The following OBSL1 variants were observed in gnomAD, a reference collection of about 807,000 sequenced individuals.
OBSL1 encodes the protein obscurin like cytoskeletal adaptor 1.
A neutral mutation model predicts 172.0 loss-of-function variants in OBSL1; 160 were observed. The observed-to-expected ratio is 0.93, with a 90% CI of 0.82 to 1.06. The LOEUF (loss-of-function observed/expected upper bound fraction) is 1.06. OBSL1 is among the 50% of genes least tolerant of loss of function. The pLI, the probability that OBSL1 is intolerant of heterozygous loss-of-function variation, is 0.00. For synonymous variants in OBSL1, 1,200 were observed against 1,196.3 expected (o/e 1.00, Z -0.06); for missense variants, 2,681 against 2,715.4 (o/e 0.99, Z 0.28).
chr2:219,563,022 A>G, intron 7 of OBSL1: 1 of 468,036 alleles, frequency 2.1e-6, no homozygotes, highest in Non-Finnish European at 3.8e-6. Context: ...TCCTCCTCCA[A>G]GATGTTTTTG....
At position 219,558,052 on chromosome 2, in the gene OBSL1, A is replaced by C. The variant is rs2278201; in HGVS notation, c.3561T>G (p.Pro1187=). 3.0e-5 allele frequency: 49 copies of C among 1,613,124 alleles called. No homozygotes were observed. The highest frequency in any genetic ancestry group is 5.0e-5 in the Admixed American group (3 of 59,916). The change falls in exon 11 of 21, where the codon CCT becomes CCG. Residue 1187 remains proline (P), a synonymous_variant. Coordinates refer to ENST00000404537, the MANE Select transcript of OBSL1 (RefSeq NM_015311.3). ...ETTPSPLCVA[P]GEPVVLSCEL... ...CACAGCTCAGCACCACTGGCTCCCCAGGGGCCACACAGAGCGGGCTTGGAG... is the reference window on the plus strand; with the variant it reads ...CACAGCTCAGCACCACTGGCTCCCCCGGGGCCACACAGAGCGGGCTTGGAG...
rs1168726553 is a variant in OBSL1 at position 219,557,452 on chromosome 2, C to T, written c.3957G>A (p.Gln1319=). ...CCCGCAGCACCTGCCTGGCCCCGGC[C>T]TGCTCCAGCTGCACCCGCCCCTGGC... ...LASQGRVQLE[Q]AGARQVLRVQ... Residue 1319 remains glutamine, a synonymous_variant, in exon 12 of 21, where the codon CAG becomes CAA. Coordinates refer to ENST00000404537, the MANE Select transcript of OBSL1 (RefSeq NM_015311.3). 6.5e-7 allele frequency: 1 copy of T among 1,548,588 alleles called. No homozygotes were observed. The highest frequency in any genetic ancestry group is 1.2e-5 in the South Asian group (1 of 84,052).
In OBSL1 at chr2:219,557,458, C is replaced by T. The variant is rs775463681; in HGVS notation, c.3951G>A (p.Leu1317=). 2 of 1,548,678 alleles carry T rather than the reference C, an allele frequency of 1.3e-6. No individual in the cohort carries two copies. The highest frequency in any genetic ancestry group is 2.4e-5 in the South Asian group (2 of 84,072). Residue 1317 remains leucine, a synonymous_variant, in exon 12 of 21, where the codon CTG becomes CTA. Coordinates refer to ENST00000404537, the MANE Select transcript of OBSL1 (RefSeq NM_015311.3). The part of the protein sequence containing the change: ...ERLASQGRVQ[L]EQAGARQVLR... ...GCACCTGCCTGGCCCCGGCCTGCTC[C>T]AGCTGCACCCGCCCCTGGCTTGCCA... is the stretch of plus-strand genomic sequence containing the variant.
At position 219,553,648 on chromosome 2, in the gene OBSL1, C is replaced by G. The variant is rs756666231; in HGVS notation, c.4915G>C (p.Glu1639Gln). The change falls in exon 16 of 21, where the codon GAG becomes CAG. Residue 1639 changes from glutamate to glutamine, a missense_variant. Transcript: ENST00000404537. ...VTIVRGPHDLEVTEGDTATFE... is the reference protein window; with the variant it reads ...VTIVRGPHDLQVTEGDTATFE... ...GTAGCTGTGTCGCCCTCGGTCACCT[C>G]TAGGTCGTGTGGCCCCCGCACGATG... is the stretch of plus-strand genomic sequence containing the variant. The G allele has an allele frequency of 4.3e-6, 7 of 1,613,866 alleles. No homozygotes were observed. The highest frequency in any genetic ancestry group is 5.9e-6 in the Non-Finnish European group (7 of 1,179,882).
chr2:219,558,622 C>T (rs1696222308), intron 9 of OBSL1, among the ~76,000 whole-genome samples, 163 bp from the exon 10 acceptor site: 1 of 152,248 alleles, frequency 6.6e-6, no homozygotes, highest in African/African-American at 2.4e-5. Context: ...GTCCTAAGAA[C>T]CCTGTGTTTT....
rs1418143217 is a variant in OBSL1, at chr2:219,552,675, G to C, written c.5169C>G (p.Ser1723=). The part of the protein sequence containing the change: ...TVRERTVAVL[S]ELRSVSAREG... ...CGCGGGCGCTCACCGACCGCAGCTC[G>C]GAGAGTACCGCCACAGTACGCTCTG... Residue 1723 remains serine, a synonymous_variant, in exon 18 of 21, where the codon TCC becomes TCG. Transcript: ENST00000404537. 3 of 1,536,338 alleles carry C rather than the reference G, an allele frequency of 2.0e-6. No homozygotes were observed. Among genetic ancestry groups the C allele is most frequent in the Admixed American group, 3.9e-5 (2 of 51,334 alleles).
downstream of OBSL1, chr2:219,547,892 G>A (rs762633558): frequency 3.1e-6 from 5 of 1,595,862 alleles, no homozygotes; most frequent in African/African-American, 1.3e-5. Flanking sequence ...TGCGCTGATC[G>A]CCACTGCCGC....
chr2:219,550,206 C>T (rs1050964820), downstream of OBSL1: 1 of 230,788 alleles, frequency 4.3e-6, no homozygotes, highest in African/African-American at 2.3e-5. Context: ...TTTCTCCAGG[C>T]TCAGCCCCAC....
At chr2:219,554,959 G>T (rs945440319) in intron 14 of OBSL1, among the ~76,000 whole-genome samples, 1 of 152,158 alleles carries the variant, frequency 6.6e-6, no homozygotes, top group Non-Finnish European at 1.5e-5. Context: ...GCACAGGAAG[G>T]GGGAGAAGTG....
At chr2:219,549,057 G>A (rs747645801), downstream of OBSL1, 2 of 1,409,334 alleles carry the variant, frequency 1.4e-6, no homozygotes, top group Non-Finnish European at 2.0e-6. Flanking sequence ...GAGGAATCTG[G>A]AAGCCTAGAG....
rs747358446 is a variant in OBSL1 at position 219,556,599 on chromosome 2, G to A, written c.4191C>T (p.Ala1397=). The change falls in exon 13 of 21, where the codon GCC becomes GCT. Residue 1397 remains alanine (A), a synonymous_variant. Transcript: ENST00000404537. ...CCACCTGGGGCCCTGGAGTGACGAC[G>A]GCCCCATTGCGCAGCCAGGTGACAT... The part of the protein sequence containing the change: ...DADVTWLRNG[A]VVTPGPQVEM... 20 of 1,613,940 alleles carry A rather than the reference G, an allele frequency of 1.2e-5. No individual in the cohort carries two copies. The highest frequency in any genetic ancestry group is 1.7e-4 in the Middle Eastern group (1 of 6,060).
chr2:219,550,379 C>A (rs1695537294), downstream of OBSL1: 1 of 200,292 alleles, frequency 5.0e-6, no homozygotes, highest in Non-Finnish European at 1.0e-5. Context: ...CCCCTGGCCT[C>A]TGTAAAGCCA....
rs545493745 is a variant in OBSL1, at chr2:219,562,585, G to A, written c.2770C>T (p.Arg924Trp). 9.3e-6 allele frequency: 15 copies of A among 1,611,960 alleles called. No homozygotes were observed. The highest frequency in any genetic ancestry group is 4.0e-5 in the African/African-American group (3 of 75,010). ...ERVVLTCELC[R>W]PWAEVRWTKD... ...GTCCAGCGCACCTCTGCCCAGGGCCGGCATAGCTCACAGGTCAGCACCACA... is the reference window on the plus strand; with the variant it reads ...GTCCAGCGCACCTCTGCCCAGGGCCAGCATAGCTCACAGGTCAGCACCACA... The change falls in exon 8 of 21, where the codon CGG becomes TGG. Residue 924 changes from arginine (R) to tryptophan (W), a missense_variant. Arg to Trp is a moderately radical substitution (Grantham distance 101). Transcript: ENST00000404537.
chr2:219,557,546 T>C lies in OBSL1; in HGVS notation c.3863A>G (p.Glu1288Gly). The part of the protein sequence containing the change: ...RVRSTPGGDL[E>G]LVVHLSGPGG... ...TGGCCCGGAGAGGTGCACCACCAGC[T>C]CTAGGTCCCCGCCTGGGGTGCTCCG... Residue 1288 changes from glutamate (E) to glycine (G), a missense_variant, in exon 12 of 21, where the codon GAG (glutamate) becomes GGG (glycine). Physicochemically the swap from Glu to Gly is moderately conservative, Grantham distance 98. Around this residue, in one of 5 missense-constraint regions of OBSL1, gnomAD observed 1,765 missense variants for 1,748.3 expected, o/e 1.01. Transcript: ENST00000404537. 2 of 1,553,288 alleles carry C rather than the reference T, an allele frequency of 1.3e-6. No individual in the cohort carries two copies. Among genetic ancestry groups the C allele is most frequent in the East Asian group, 2.4e-5 (1 of 41,112 alleles).
chr2:219,562,487 C>T lies in OBSL1; in HGVS notation c.2868G>A (p.Val956=). Reference sequence around the variant, plus strand: ...AGTCCTCGAGCTGGACAGCGGGCAGCACCAGGCGGCGGACAGTGTCTTCCT... The same window carrying T: ...AGTCCTCGAGCTGGACAGCGGGCAGTACCAGGCGGCGGACAGTGTCTTCCT... ...LQKEDTVRRL[V]LPAVQLEDSG... The change falls in exon 8 of 21, where the codon GTG becomes GTA. Residue 956 remains valine (V), a synonymous_variant. Coordinates refer to ENST00000404537, the MANE Select transcript of OBSL1 (RefSeq NM_015311.3). 6.2e-7 allele frequency: 1 copy of T among 1,614,040 alleles called. No homozygotes were observed. Among genetic ancestry groups the T allele is most frequent in the Non-Finnish European group, 8.5e-7 (1 of 1,179,890 alleles).
chr2:219,552,801 G>T, intron 17 of OBSL1, 67 bp downstream of exon 17: 1 of 1,529,464 alleles, frequency 6.5e-7, no homozygotes. Context: ...ATCAGGGTCC[G>T]GGGAAGACAG....
chr2:219,570,262 G>T lies in OBSL1; in HGVS notation c.971C>A (p.Ser324Ter), dbSNP rs1284495604. The change falls in exon 1 of 21, where the codon TCG becomes TAG. Residue 324 changes from serine (S) to a stop codon, truncating the protein, a stop_gained. Transcript: ENST00000404537. LOFTEE classifies it high-confidence loss of function. ...CACGGCACTGAGCGTCTGGCCCGCCGAGTTGCGCGCGGCGCAGACGTAGAG... is the reference window on the plus strand; with the variant it reads ...CACGGCACTGAGCGTCTGGCCCGCCTAGTTGCGCGCGGCGCAGACGTAGAG... The part of the protein sequence containing the change: ...RGLYVCAARN[S>*]AGQTLSAVQL... 3 of 1,595,228 alleles carry T rather than the reference G, an allele frequency of 1.9e-6. No individual in the cohort carries two copies. In the East Asian group the frequency reaches 6.7e-5, roughly 36 times the overall value.
rs1453259556 is a variant in OBSL1 at position 219,557,201 on chromosome 2, C to G, written c.4066+142G>C. The G allele has an allele frequency of 5.2e-6, 4 of 768,342 alleles. No homozygotes were observed. The African/African-American group carries it at 7.1e-5, about 14-fold the overall frequency. 47.6% of individuals were successfully genotyped at this position (768,342 alleles called of 1,614,324 possible). ...GGTTTCTGGAAAGAGGAGCCCTGAG[C>G]CCCTATCCAAGTGATGGTCATGCAC... On this transcript the variant is annotated intron_variant, in intron 12 of 20. Coordinates refer to ENST00000404537, the MANE Select transcript of OBSL1 (RefSeq NM_015311.3).
At chr2:219,551,328 A>G in intron 20 of OBSL1, 1 of 1,410,086 alleles carries the variant, frequency 7.1e-7, no homozygotes, top group Non-Finnish European at 9.2e-7. Flanking sequence ...GCTGACCAGG[A>G]GCAGCTGATC....
Sources: allele counts gnomAD v4.1 joint callset (sites outside exome capture counted in the v4.1 genomes callset), GRCh38; gene constraint gnomAD v4.1.1; regional missense constraint gnomAD v4.1.1; transcripts MANE v1.5; gene names NCBI Gene and HGNC (gene_info 2026-07-23, HGNC 2026-07-21).